Variants in TET1 observed in about 807,000 individuals in gnomAD.
TET1 encodes tet methylcytosine dioxygenase 1, also known as methylcytosine dioxygenase TET1.
TET1 carries 13 observed loss-of-function variants against 148.7 expected under a neutral mutation model. The ratio of observed to expected loss-of-function variants is 0.09; its 90% confidence interval spans 0.06 to 0.14. The LOEUF (loss-of-function observed/expected upper bound fraction) is 0.14, where lower values mean the gene tolerates loss of function less well. TET1 is among the 10% of genes least tolerant of loss of function. The pLI, the probability that TET1 is intolerant of heterozygous loss-of-function variation, is 1.00. For synonymous variants in TET1, 907 were observed against 937.2 expected, an observed-to-expected ratio of 0.97 and a Z score of 0.59; for missense variants, 2,182 against 2,553.8, an observed-to-expected ratio of 0.85 and a Z score of 3.14.
chr10:68,573,168 T>C lies in TET1; in HGVS notation c.830T>C (p.Val277Ala), dbSNP rs144745587. Residue 277 changes from valine to alanine, a missense_variant, in exon 2 of 12, where the codon GTA (valine) becomes GCA (alanine). By Grantham distance (64) the Val-to-Ala change is moderately conservative. This residue lies in a region of TET1 where 665 missense variants were observed against 672.4 expected (regional missense o/e 0.99). Coordinates refer to ENST00000373644, the MANE Select transcript of TET1 (RefSeq NM_030625.3). ...SIQLEELGSR[V>A]ESLKLSDSYL... is the part of the protein sequence containing the mutation. ...CAGTTAGAAGAGTTGGGTTCACGAG[T>C]AGAATCTCTTAAGTTATCTGATTCT... 240 of 1,614,110 alleles carry C rather than the reference T, an allele frequency of 1.5e-4. No individual in the cohort carries two copies. The highest frequency in any genetic ancestry group is 1.9e-4 in the Non-Finnish European group (229 of 1,180,020).
chr10:68,639,996 C>T (rs1417177421), intron 3 of TET1, among the ~76,000 whole-genome samples: 2 of 151,742 alleles, frequency 1.3e-5, no homozygotes, highest in African/African-American at 2.4e-5. Flanking sequence ...GGTGCTATCT[C>T]GGCTCACTGC....
intron 8 of TET1, chr10:68,674,414 G>A: frequency 3.2e-6 from 1 of 310,876 alleles, no homozygotes; most frequent in Non-Finnish European, 6.2e-6. Flanking sequence ...TGTATTACGT[G>A]AAAGCATCTG....
chr10:68,569,768 C>T (rs1590155886), intron 1 of TET1, among the ~76,000 whole-genome samples: 1 of 151,748 alleles, frequency 6.6e-6, no homozygotes, highest in South Asian at 2.1e-4. Flanking sequence ...ACAGGGAGAC[C>T]TGTTTCAAAA....
At chr10:68,643,720 G>A (rs939718549) in intron 3 of TET1, among the ~76,000 whole-genome samples, 6 of 151,678 alleles carry the variant, frequency 4.0e-5, no homozygotes, top group African/African-American at 1.5e-4. Flanking sequence ...AGGCTGAGGA[G>A]GAAAATTGCT....
chr10:68,687,089 G>A (rs748322818), intron 11 of TET1, among the ~76,000 whole-genome samples: 88 of 151,640 alleles, frequency 5.8e-4, no homozygotes, highest in Non-Finnish European at 1.2e-3. Context: ...GGGTTTCACC[G>A]TGTTAGGCAG....
At chr10:68,689,276 G>T (rs373431284) in intron 11 of TET1, among the ~76,000 whole-genome samples, 20 of 152,198 alleles carry the variant, frequency 1.3e-4, no homozygotes, top group African/African-American at 4.3e-4. Context: ...GAGAACTGCA[G>T]AGCTTCTGAA....
At chr10:68,562,899 A>G (rs890061301) in intron 1 of TET1, among the ~76,000 whole-genome samples, 2 of 150,232 alleles carry the variant, frequency 1.3e-5, no homozygotes, top group Admixed American at 1.3e-4. Flanking sequence ...TTCTAGCTTT[A>G]TTACTATAGA....
chr10:68,665,630 C>T (rs2055187037), intron 6 of TET1, among the ~76,000 whole-genome samples: 1 of 151,908 alleles, frequency 6.6e-6, no homozygotes. Flanking sequence ...TATACAAAAA[C>T]TTTATTAATA....
intron 3 of TET1, among the ~76,000 whole-genome samples, chr10:68,624,728 T>C (rs112751255): frequency 0.012 from 1,779 of 144,406 alleles, 52 homozygotes; most frequent in African/African-American, 0.046. Flanking sequence ...TTTCTTTCCT[T>C]CTTTCTTTCT....
chr10:68,595,609 C>CTTTTTTTTTTTTTTTTT (rs1564958558), intron 2 of TET1, among the ~76,000 whole-genome samples: 2 of 89,384 alleles, frequency 2.2e-5, no homozygotes, highest in Non-Finnish European at 4.3e-5. Flanking sequence ...ACACACACAG[C>CTTTTTTTTTTTTTTTTT]TTCTTTTTTT....
chr10:68,658,212 T>C (rs999598892), intron 6 of TET1, among the ~76,000 whole-genome samples: 17 of 152,106 alleles, frequency 1.1e-4, no homozygotes, highest in African/African-American at 3.9e-4. Context: ...TTTTAAGTTG[T>C]GTTTCTCTTG....
At position 68,691,048 on chromosome 10, in the gene TET1, C is replaced by G. The variant is rs759636615; in HGVS notation, c.5645C>G (p.Thr1882Arg). The G allele has an allele frequency of 7.4e-6, 12 of 1,614,100 alleles. No homozygotes were observed. Among genetic ancestry groups the G allele is most frequent in the Non-Finnish European group, 1.0e-5 (12 of 1,180,034 alleles). Reference protein sequence around the residue: ...FSERSSTPHCTMPSGRLSGAN... With the variant: ...FSERSSTPHCRMPSGRLSGAN... Reference sequence around the variant, plus strand: ...GAAAGAAGCAGCACTCCCCACTGTACGATGCCTTCGGGAAGACTCAGTGGT... The same window carrying G: ...GAAAGAAGCAGCACTCCCCACTGTAGGATGCCTTCGGGAAGACTCAGTGGT... Residue 1882 changes from threonine to arginine, a missense_variant, in exon 12 of 12, where the codon ACG (threonine) becomes AGG (arginine). Around this residue, in one of 11 missense-constraint regions of TET1, gnomAD observed 380 missense variants for 387.9 expected, o/e 0.98. Transcript: ENST00000373644. The surrounding 1 kb of genome is among the most constrained non-coding windows in gnomAD (Gnocchi z 4.4).
In TET1 at chr10:68,573,945, C is replaced by A; in HGVS notation, c.1607C>A (p.Ala536Asp). The change falls in exon 2 of 12, where the codon GCT becomes GAT. Residue 536 changes from alanine to aspartate, a missense_variant. By Grantham distance (126) the Ala-to-Asp change is moderately radical. This residue lies in a region of TET1 where 665 missense variants were observed against 672.4 expected (regional missense o/e 0.99). Transcript: ENST00000373644. ...CTGGGTATAGCCCAACTCTCTCAGGCTGGTCCTAGCAAATCAGACAGAGGG... is the reference window on the plus strand; with the variant it reads ...CTGGGTATAGCCCAACTCTCTCAGGATGGTCCTAGCAAATCAGACAGAGGG... ...ASLGIAQLSQ[A>D]GPSKSDRGSS... The A allele has an allele frequency of 6.2e-7, 1 of 1,614,188 alleles. No individual in the cohort carries two copies. Among genetic ancestry groups the A allele is most frequent in the South Asian group, 1.1e-5 (1 of 91,086 alleles).
At position 68,692,138 on chromosome 10, in the gene TET1, A is replaced by G. The variant is rs937432038; in HGVS notation, c.*324A>G. 1 of 311,390 alleles carries G rather than the reference A, an allele frequency of 3.2e-6. No homozygotes were observed. Among genetic ancestry groups the G allele is most frequent in the East Asian group, 4.8e-5 (1 of 20,828 alleles). The allele number at this position is 311,390 out of a possible 1,614,324, so 19.3% of individuals were successfully genotyped here. A position where few individuals can be genotyped will look rare whatever the true frequency, so the allele number is the denominator to read the frequency against. ...GTCTGTTTACTATGAAACAAGAGTC[A>G]TTTTTAGAGGATTTTAACAGGTTCA... On this transcript the variant is annotated 3_prime_UTR_variant, in exon 12 of 12. Coordinates refer to ENST00000373644, the MANE Select transcript of TET1 (RefSeq NM_030625.3).
At chr10:68,669,958 A>G (rs2055251418) in intron 7 of TET1, among the ~76,000 whole-genome samples, 1 of 152,098 alleles carries the variant, frequency 6.6e-6, no homozygotes. Context: ...AAACTCTTAT[A>G]TACCCTTACT....
intron 2 of TET1, among the ~76,000 whole-genome samples, chr10:68,590,450 C>A (rs1470627345): frequency 2.0e-5 from 3 of 151,926 alleles, no homozygotes; most frequent in Non-Finnish European, 2.9e-5. Context: ...CTTTTCATAT[C>A]CAATATTGCA....
intron 6 of TET1, among the ~76,000 whole-genome samples, chr10:68,658,903 T>G (rs1406844633): frequency 6.6e-6 from 1 of 152,118 alleles, no homozygotes; most frequent in Non-Finnish European, 1.5e-5. Flanking sequence ...TTTTAAAAAT[T>G]AGCTGGATGT....
rs2054850690 is a variant in TET1 at position 68,646,516 on chromosome 10, C to T, written c.3787C>T (p.Leu1263Phe). Residue 1263 changes from leucine to phenylalanine, a missense_variant, in exon 4 of 12, where the codon CTC becomes TTC. This residue lies in a region of TET1 where 582 missense variants were observed against 599.5 expected (regional missense o/e 0.97). Coordinates refer to ENST00000373644, the MANE Select transcript of TET1 (RefSeq NM_030625.3). ...GGTGAAGGTTGAACCATTGGATTCA[C>T]TCAGCTTATTTCATCTTAAAACGGA... is the stretch of plus-strand genomic sequence containing the variant. ...EKVKVEPLDS[L>F]SLFHLKTESN... The T allele has an allele frequency of 1.9e-6, 3 of 1,613,974 alleles. No homozygotes were observed. The highest frequency in any genetic ancestry group is 1.7e-5 in the Admixed American group (1 of 59,982).
intron 6 of TET1, among the ~76,000 whole-genome samples, chr10:68,665,087 A>G (rs1408872005): frequency 6.6e-6 from 1 of 152,074 alleles, no homozygotes; most frequent in Non-Finnish European, 1.5e-5. Context: ...TATCTTTTCA[A>G]TTAGCAGATT....
Sources: gnomAD v4.1 joint callset for allele counts (sites outside exome capture counted in the v4.1 genomes callset) on GRCh38, gnomAD v4.1.1 for gene constraint, gnomAD v4.1.1 regional missense constraint, Gnocchi (gnomAD v3.1) non-coding constraint, MANE v1.5 for transcripts, NCBI Gene and HGNC (gene_info 2026-07-23, HGNC 2026-07-21) for gene names.